Variants in PHLDB2 observed in about 807,000 individuals in gnomAD.
PHLDB2 encodes pleckstrin homology like domain family B member 2, also known as pleckstrin homology-like domain family B member 2.
PHLDB2 carries 71 observed loss-of-function variants against 123.6 expected under a neutral mutation model. The observed-to-expected ratio is 0.57, with a 90% CI of 0.47 to 0.70. The LOEUF is 0.70. PHLDB2 is among the 30% of genes least tolerant of loss of function. The probability of loss-of-function intolerance (pLI) is 0.00; values close to 1 mark genes in which losing one functional copy is unlikely to be tolerated. For missense variants in PHLDB2, 1,446 were observed against 1,519.5 expected, an observed-to-expected ratio of 0.95 and a Z score of 0.80; for synonymous variants, 547 against 541.6, an observed-to-expected ratio of 1.01 and a Z score of -0.14.
chr3:111,950,218 T>C (rs712514), intron 10 of PHLDB2, among the ~76,000 whole-genome samples: 47,537 of 152,096 alleles, frequency 0.31, 8,083 homozygotes, highest in African/African-American at 0.43. Context: ...ATAAAATCCA[T>C]AGTATAAAGA....
chr3:111,857,216 C>G (rs116617515), upstream of PHLDB2, among the ~76,000 whole-genome samples: 1 of 151,998 alleles, frequency 6.6e-6, no homozygotes, highest in East Asian at 1.9e-4. Flanking sequence ...CTTAGGGTGG[C>G]GGAGGCAGAC....
intron 1 of PHLDB2, among the ~76,000 whole-genome samples, chr3:111,783,849 A>C (rs953614887): frequency 6.6e-6 from 1 of 152,184 alleles, no homozygotes; most frequent in African/African-American, 2.4e-5. Context: ...ATGAATATCA[A>C]AGAGAAATTC....
intron 6 of PHLDB2, among the ~76,000 whole-genome samples, chr3:111,935,344 A>T (rs552378473): frequency 5.3e-5 from 8 of 152,026 alleles, no homozygotes; most frequent in Admixed American, 2.0e-4. Context: ...CAATTAAAAG[A>T]CCTTTTTACT....
chr3:111,824,567 C>A (rs556527084), intron 1 of PHLDB2, among the ~76,000 whole-genome samples: 1 of 152,260 alleles, frequency 6.6e-6, no homozygotes, highest in East Asian at 1.9e-4. Flanking sequence ...TTTCAGGAAG[C>A]AAGTCTTTCC....
intron 2 of PHLDB2, among the ~76,000 whole-genome samples, chr3:111,894,564 C>T (rs533240389): frequency 1.0e-3 from 153 of 151,914 alleles, no homozygotes; most frequent in African/African-American, 2.8e-3. Flanking sequence ...ACATCCTCTC[C>T]AACATCTGTT....
chr3:111,756,035 G>A (rs1275067787), intron 1 of PHLDB2, among the ~76,000 whole-genome samples: 2 of 152,028 alleles, frequency 1.3e-5, no homozygotes, highest in East Asian at 1.9e-4. Flanking sequence ...TATAATTTCT[G>A]TTCTTTTACA....
chr3:111,966,462 A>G (rs2071762605), intron 13 of PHLDB2, 151 bp from the exon 14 acceptor site: 2 of 452,368 alleles, frequency 4.4e-6, no homozygotes, highest in African/African-American at 2.0e-5. Context: ...TCTTTAAATT[A>G]TATATGCTTG....
At chr3:111,805,195 A>G (rs1422340657) in intron 1 of PHLDB2, among the ~76,000 whole-genome samples, 1 of 152,226 alleles carries the variant, frequency 6.6e-6, no homozygotes, top group East Asian at 1.9e-4. Flanking sequence ...AAATGTTTAT[A>G]GCAGCTTTGT....
intron 2 of PHLDB2, among the ~76,000 whole-genome samples, chr3:111,902,974 G>A (rs2067285511): frequency 6.6e-6 from 1 of 152,088 alleles, no homozygotes; most frequent in African/African-American, 2.4e-5. Flanking sequence ...TTTTTAATTG[G>A]AAAGCTACCA....
chr3:111,879,555 G>T (rs1031785661), intron 1 of PHLDB2, among the ~76,000 whole-genome samples: 1 of 152,158 alleles, frequency 6.6e-6, no homozygotes, highest in Non-Finnish European at 1.5e-5. Flanking sequence ...AAGTGGAGGA[G>T]GTAGAAGGGG....
upstream of PHLDB2, among the ~76,000 whole-genome samples, chr3:111,857,485 T>A (rs528437586): frequency 3.6e-4 from 44 of 122,408 alleles, no homozygotes; most frequent in South Asian, 2.4e-3. Context: ...GAAAAAAAAA[T>A]TCCAAGGTAA....
chr3:111,739,571 G>GT (rs1329620851), intron 1 of PHLDB2, among the ~76,000 whole-genome samples: 1 of 116,050 alleles, frequency 8.6e-6, no homozygotes, highest in African/African-American at 2.9e-5. Context: ...CTCTTCTGAA[G>GT]TTAAAAAAAA....
chr3:111,785,637 T>A (rs769496065), intron 1 of PHLDB2, among the ~76,000 whole-genome samples: 5 of 152,092 alleles, frequency 3.3e-5, no homozygotes, highest in Non-Finnish European at 7.4e-5. Context: ...TTTTAACTAA[T>A]CTTAAACTCA....
chr3:111,740,346 C>T (rs1410332738), intron 1 of PHLDB2, among the ~76,000 whole-genome samples: 1 of 127,820 alleles, frequency 7.8e-6, no homozygotes, highest in Non-Finnish European at 1.6e-5. Context: ...TTATTGTCCT[C>T]ATTAAATATG....
At chr3:111,939,053 C>T (rs750214389) in intron 6 of PHLDB2, among the ~76,000 whole-genome samples, 1 of 152,098 alleles carries the variant, frequency 6.6e-6, no homozygotes, top group Non-Finnish European at 1.5e-5. Flanking sequence ...GGTGATCCCC[C>T]CTCCTCAGCC....
chr3:111,779,030 A>G (rs1012150661), intron 1 of PHLDB2, among the ~76,000 whole-genome samples: 1 of 152,036 alleles, frequency 6.6e-6, no homozygotes, highest in African/African-American at 2.4e-5. Context: ...CAGCATCAGA[A>G]TCACCTGGAG....
intron 1 of PHLDB2, among the ~76,000 whole-genome samples, chr3:111,781,917 CAGA>C (rs1401837284): frequency 6.6e-6 from 1 of 152,004 alleles, no homozygotes; most frequent in African/African-American, 2.4e-5. Context: ...CAGCTGTAAA[CAGA>C]AGCAGTATTG....
chr3:111,901,041 A>G (rs967744995), intron 2 of PHLDB2, among the ~76,000 whole-genome samples: 4 of 152,038 alleles, frequency 2.6e-5, no homozygotes, highest in Admixed American at 2.0e-4. Context: ...ATTTCTCTAC[A>G]TAAAACTTTG....
At chr3:111,966,234 G>A (rs1490791985) in intron 13 of PHLDB2, among the ~76,000 whole-genome samples, 1 of 152,152 alleles carries the variant, frequency 6.6e-6, no homozygotes, top group Non-Finnish European at 1.5e-5. Context: ...AAACTAATGG[G>A]AAGGACTCTC....
Sources: gnomAD v4.1 joint callset for allele counts (sites outside exome capture counted in the v4.1 genomes callset) on GRCh38, gnomAD v4.1.1 for gene constraint, MANE v1.5 for transcripts, NCBI Gene and HGNC (gene_info 2026-07-23, HGNC 2026-07-21) for gene names.